Variants in MACROD2 observed in about 807,000 individuals in gnomAD.
MACROD2 encodes mono-ADP ribosylhydrolase 2.
Under a neutral mutation model 70.4 loss-of-function variants are expected in MACROD2, and 36 were observed. That is an observed-to-expected ratio of 0.51 (90% CI 0.39 to 0.68). The LOEUF (loss-of-function observed/expected upper bound fraction) is 0.68, where lower values mean the gene tolerates loss of function less well. MACROD2 is among the 30% of genes least tolerant of loss of function. The pLI is 0.00. For missense variants in MACROD2, 496 were observed against 538.4 expected (o/e 0.92, Z 0.78); for synonymous variants, 172 against 178.8 (o/e 0.96, Z 0.30).
intron 5 of MACROD2, among the ~76,000 whole-genome samples, chr20:15,214,826 T>C (rs1477722750): frequency 6.6e-6 from 1 of 152,180 alleles, no homozygotes; most frequent in East Asian, 1.9e-4. Context: ...CAAAATACTC[T>C]ATTGATATCA....
chr20:15,768,597 A>C (rs911684773), intron 8 of MACROD2, among the ~76,000 whole-genome samples: 1 of 152,312 alleles, frequency 6.6e-6, no homozygotes, highest in Non-Finnish European at 1.5e-5. Flanking sequence ...CTTAGGCTAC[A>C]CTAAATTTAC....
At chr20:14,306,327 G>C (rs2082520794) in intron 3 of MACROD2, among the ~76,000 whole-genome samples, 1 of 152,006 alleles carries the variant, frequency 6.6e-6, no homozygotes, top group Admixed American at 6.6e-5. Flanking sequence ...CATTATTCAA[G>C]TTATTGATAA....
rs560223799 is a variant in MACROD2, at chr20:15,246,420, T to C, written c.540+16359T>C. On this transcript the variant is annotated intron_variant, in intron 6 of 17. Coordinates refer to ENST00000684519, the MANE Select transcript of MACROD2 (RefSeq NM_001351661.2). ...GTGGTTTTATAATATCTTTGTGGTA[T>C]CACAGAAAGAAAGTTGACCTAGAAA... Among the ~76,000 whole-genome samples the C allele has an allele frequency of 1.2e-4, 18 of 152,334 alleles. No individual in the cohort carries two copies. In the East Asian group the frequency reaches 3.1e-3, roughly 26 times the overall value.
At chr20:14,103,122 A>G (rs2054321042) in intron 3 of MACROD2, among the ~76,000 whole-genome samples, 1 of 152,044 alleles carries the variant, frequency 6.6e-6, no homozygotes, top group Non-Finnish European at 1.5e-5. Flanking sequence ...GAATTTGTGC[A>G]GTCAAACTAA....
In MACROD2 at chr20:14,748,405, A is replaced by G. The variant is rs986343679; in HGVS notation, c.418+63446A>G. 2.6e-5 allele frequency among the ~76,000 whole-genome samples: 4 copies of G among 152,078 alleles called. No homozygotes were observed. The South Asian group carries it at 8.3e-4, about 31-fold the overall frequency. ...TCAAGACAGAGACTATGAATTAACCACTGTATCCAGTGCCTAGTTCAGTGC... is the reference window on the plus strand; with the variant it reads ...TCAAGACAGAGACTATGAATTAACCGCTGTATCCAGTGCCTAGTTCAGTGC... On this transcript the variant is annotated intron_variant, in intron 5 of 17. Transcript: ENST00000684519.
chr20:14,603,412 T>A (rs1256570541), intron 4 of MACROD2, among the ~76,000 whole-genome samples: 2 of 152,210 alleles, frequency 1.3e-5, no homozygotes, highest in Non-Finnish European at 2.9e-5. Flanking sequence ...TCATTCTTAA[T>A]ATCTCTGAAA....
At chr20:15,795,980 C>T (rs887731167) in intron 8 of MACROD2, among the ~76,000 whole-genome samples, 3 of 152,148 alleles carry the variant, frequency 2.0e-5, no homozygotes, top group African/African-American at 2.4e-5. Context: ...TTCGGAGAGA[C>T]ATTTCTCAAC....
At chr20:14,728,692 A>G (rs946546829) in intron 5 of MACROD2, among the ~76,000 whole-genome samples, 5 of 152,216 alleles carry the variant, frequency 3.3e-5, no homozygotes, top group South Asian at 2.1e-4. Flanking sequence ...TAAAAAAATT[A>G]GTTCAGTGTT....
At chr20:14,325,392 AC>A in intron 3 of MACROD2, 1 of 622,288 alleles carries the variant, frequency 1.6e-6, no homozygotes. Flanking sequence ...GAAATTTGAA[AC>A]TTTTAATAAA....
intron 5 of MACROD2, among the ~76,000 whole-genome samples, chr20:14,754,658 C>T (rs187609259): frequency 8.4e-4 from 128 of 152,070 alleles, no homozygotes; most frequent in African/African-American, 1.2e-3. Context: ...AAAATAATTT[C>T]CTCAAGAACA....
At chr20:15,453,019 T>G (rs528155436) in intron 7 of MACROD2, among the ~76,000 whole-genome samples, 7 of 152,300 alleles carry the variant, frequency 4.6e-5, no homozygotes, top group African/African-American at 1.7e-4. Context: ...AAGCAATGTA[T>G]TTCCCAGAAC....
chr20:14,748,320 A>C (rs1420819388), intron 5 of MACROD2, among the ~76,000 whole-genome samples: 1 of 152,110 alleles, frequency 6.6e-6, no homozygotes, highest in East Asian at 1.9e-4. Context: ...TTTGAAGTAC[A>C]TAACTCATTG....
chr20:14,737,030 A>AT (rs1395319472), intron 5 of MACROD2, among the ~76,000 whole-genome samples: 1 of 152,046 alleles, frequency 6.6e-6, no homozygotes, highest in African/African-American at 2.4e-5. Flanking sequence ...AGGTATACAC[A>AT]TGCCATGGTG....
intron 8 of MACROD2, among the ~76,000 whole-genome samples, chr20:15,773,999 A>G (rs773404122): frequency 1.3e-5 from 2 of 152,190 alleles, no homozygotes; most frequent in Non-Finnish European, 2.9e-5. Context: ...ACATTTGCAC[A>G]TAGTAAAATC....
chr20:15,560,450 A>T (rs936376865), intron 8 of MACROD2, among the ~76,000 whole-genome samples: 4 of 152,190 alleles, frequency 2.6e-5, no homozygotes, highest in African/African-American at 7.2e-5. Context: ...CCATTGAAAA[A>T]TAACCTGGAA....
At chr20:15,723,673 T>C (rs571678420) in intron 8 of MACROD2, among the ~76,000 whole-genome samples, 73 of 152,336 alleles carry the variant, frequency 4.8e-4, no homozygotes, top group African/African-American at 1.7e-3. Context: ...TACCACAGTT[T>C]ATTTATCTAT....
At chr20:15,456,868 T>A (rs1388739131) in intron 7 of MACROD2, among the ~76,000 whole-genome samples, 6 of 152,068 alleles carry the variant, frequency 3.9e-5, no homozygotes, top group Admixed American at 3.9e-4. Context: ...GGCTGCGATC[T>A]TCTGAGCTGG....
chr20:15,535,755 T>C (rs2146556175), intron 8 of MACROD2, among the ~76,000 whole-genome samples: 1 of 152,334 alleles, frequency 6.6e-6, no homozygotes, highest in Non-Finnish European at 1.5e-5. Flanking sequence ...CCTGTATCTA[T>C]TTTCATAATG....
chr20:15,908,995 T>C (rs1383581582), intron 10 of MACROD2, among the ~76,000 whole-genome samples: 3 of 152,252 alleles, frequency 2.0e-5, no homozygotes, highest in Non-Finnish European at 4.4e-5. Flanking sequence ...ACATTTATTT[T>C]GCTCACACAT....
Sources: allele counts gnomAD v4.1 joint callset (sites outside exome capture counted in the v4.1 genomes callset), GRCh38; gene constraint gnomAD v4.1.1; transcripts MANE v1.5; gene names NCBI Gene and HGNC (gene_info 2026-07-23, HGNC 2026-07-21).